Variants in UBR3 observed in about 807,000 individuals in gnomAD.
UBR3 encodes ubiquitin protein ligase E3 component n-recognin 3.
In UBR3, 85 loss-of-function variants were observed where a neutral mutation model predicts 243.2. That is an observed-to-expected ratio of 0.35 (90% confidence interval 0.29 to 0.42). The LOEUF (loss-of-function observed/expected upper bound fraction) is 0.42. Ranked by LOEUF, UBR3 falls within the 10% of genes least tolerant of loss-of-function variation. UBR3 has a pLI of 1.00. For synonymous variants in UBR3, 748 were observed against 799.8 expected, an observed-to-expected ratio of 0.94 and a Z score of 1.09; for missense variants, 1,686 against 2,300.8, an observed-to-expected ratio of 0.73 and a Z score of 5.47.
At chr2:170,079,129 G>A (rs1425406774) in intron 36 of UBR3, among the ~76,000 whole-genome samples, 1 of 152,188 alleles carries the variant, frequency 6.6e-6, no homozygotes, top group Non-Finnish European at 1.5e-5. Context: ...GAATGGAGTA[G>A]CATCTAGAAA....
chr2:170,006,065 T>G (rs1457975591), intron 27 of UBR3, among the ~76,000 whole-genome samples: 1 of 152,126 alleles, frequency 6.6e-6, no homozygotes, highest in Non-Finnish European at 1.5e-5. Context: ...TAGCATTCTT[T>G]GGAATTAAGG....
At chr2:170,069,430 CAT>C (rs1009679053) in intron 35 of UBR3, among the ~76,000 whole-genome samples, 1 of 152,038 alleles carries the variant, frequency 6.6e-6, no homozygotes, top group Non-Finnish European at 1.5e-5. Flanking sequence ...CATAATCTCA[CAT>C]AGTTATCTGT....
chr2:169,964,348 A>T, intron 24 of UBR3: 1 of 458,560 alleles, frequency 2.2e-6, no homozygotes, highest in Non-Finnish European at 4.5e-6. Context: ...AAGCTTAATT[A>T]ATACTTTAAG....
At chr2:170,024,842 G>C (rs1372296927) in intron 30 of UBR3, among the ~76,000 whole-genome samples, 1 of 152,108 alleles carries the variant, frequency 6.6e-6, no homozygotes, top group East Asian at 1.9e-4. Context: ...TAAAGAATTT[G>C]ATTAGATTTT....
At chr2:170,014,966 T>C (rs1437288480) in intron 29 of UBR3, 1 of 150,012 alleles carries the variant, frequency 6.7e-6, no homozygotes, top group Non-Finnish European at 1.3e-5. Context: ...ATGAAATATG[T>C]TGCAGTTTTT....
At chr2:170,048,750 TAAAAA>T (rs1052550764) in intron 32 of UBR3, among the ~76,000 whole-genome samples, 28 of 152,224 alleles carry the variant, frequency 1.8e-4, no homozygotes, top group African/African-American at 6.5e-4. Flanking sequence ...ATTCCTTACT[TAAAAA>T]GGAAAGGAAA....
rs755260786 is a variant in UBR3 at position 170,029,366 on chromosome 2, G to T, written c.4474G>T (p.Ala1492Ser). Residue 1492 changes from alanine to serine, a missense_variant, in exon 31 of 39, where the codon GCC (alanine) becomes TCC (serine). By Grantham distance (99) the Ala-to-Ser change is moderately conservative. Transcript: ENST00000272793. ...TTCAGATCAGCTGTTTCATGTATTA[G>T]CCTTGCACATGCGGCTTTATAGCAT... ...SCLNQLFHVL[A>S]LHMRLYSIDS... is the part of the protein sequence containing the mutation. 1 of 1,610,118 alleles carries T rather than the reference G, an allele frequency of 6.2e-7. No individual in the cohort carries two copies. The highest frequency in any genetic ancestry group is 8.5e-7 in the Non-Finnish European group (1 of 1,178,096).
chr2:170,045,177 A>AGACAAGAGAAGAGAATGATAGCC (rs1469307018), intron 32 of UBR3, among the ~76,000 whole-genome samples: 3 of 152,302 alleles, frequency 2.0e-5, no homozygotes, highest in East Asian at 3.9e-4. Flanking sequence ...ACATGGTAGC[A>AGACAAGAGAAGAGAATGATAGCC]GACAAGAGAA....
intron 18 of UBR3, among the ~76,000 whole-genome samples, chr2:169,929,762 T>C (rs1005472539): frequency 1.3e-5 from 2 of 152,216 alleles, no homozygotes; most frequent in African/African-American, 4.8e-5. Context: ...CAGTCTTTTT[T>C]TGTTTGACTT....
chr2:170,025,257 C>A (rs1160317221), intron 30 of UBR3, among the ~76,000 whole-genome samples: 2 of 152,048 alleles, frequency 1.3e-5, no homozygotes, highest in East Asian at 3.9e-4. Flanking sequence ...AAAATAATTA[C>A]AAGACTGTGT....
At chr2:169,941,422 C>A (rs890308046) in intron 19 of UBR3, among the ~76,000 whole-genome samples, 1 of 152,052 alleles carries the variant, frequency 6.6e-6, no homozygotes, top group African/African-American at 2.4e-5. Context: ...AACAATACTC[C>A]GAATGGCATC....
At chr2:169,856,394 G>A (rs1393126854) in intron 1 of UBR3, among the ~76,000 whole-genome samples, 1 of 151,106 alleles carries the variant, frequency 6.6e-6, no homozygotes, top group East Asian at 2.0e-4. Flanking sequence ...GACGATGGGC[G>A]GCTGCGCAGA....
At chr2:170,010,445 TG>T (rs1162076518) in intron 29 of UBR3, among the ~76,000 whole-genome samples, 3 of 152,210 alleles carry the variant, frequency 2.0e-5, no homozygotes, top group African/African-American at 7.2e-5. Context: ...CTTTATTGAA[TG>T]GGAATAATCT....
intron 24 of UBR3, among the ~76,000 whole-genome samples, chr2:169,978,892 T>C (rs1259903812): frequency 6.6e-6 from 1 of 152,044 alleles, no homozygotes; most frequent in Non-Finnish European, 1.5e-5. Flanking sequence ...ATGAGGGGTG[T>C]TATATCGGCC....
intron 1 of UBR3, among the ~76,000 whole-genome samples, chr2:169,851,443 C>T (rs545318806): frequency 6.6e-6 from 1 of 152,336 alleles, no homozygotes; most frequent in South Asian, 2.1e-4. Context: ...TGAGCCATCT[C>T]ACCCAGATGC....
chr2:169,898,220 C>T (rs1436411329), intron 8 of UBR3, among the ~76,000 whole-genome samples: 1 of 152,216 alleles, frequency 6.6e-6, no homozygotes, highest in Non-Finnish European at 1.5e-5. Flanking sequence ...CTTTGTTCCA[C>T]TCTTGCCTCT....
At chr2:169,904,859 T>C (rs915503449) in intron 8 of UBR3, among the ~76,000 whole-genome samples, 1 of 152,166 alleles carries the variant, frequency 6.6e-6, no homozygotes, top group Non-Finnish European at 1.5e-5. Flanking sequence ...ATAATTACTA[T>C]AATGATATAC....
chr2:169,891,304 T>C (rs2084365712), intron 6 of UBR3, 73 bp downstream of exon 6: 1 of 1,160,012 alleles, frequency 8.6e-7, no homozygotes. Flanking sequence ...TAAAAATACT[T>C]GATGGGCTAG....
At chr2:169,954,749 A>G (rs1214023950) in intron 23 of UBR3, among the ~76,000 whole-genome samples, 1 of 151,390 alleles carries the variant, frequency 6.6e-6, no homozygotes, top group Non-Finnish European at 1.5e-5. Flanking sequence ...TAATTTTTGT[A>G]TTTTTAGTAG....
Sources: allele counts gnomAD v4.1 joint callset (sites outside exome capture counted in the v4.1 genomes callset), GRCh38; gene constraint gnomAD v4.1.1; transcripts MANE v1.5; gene names NCBI Gene and HGNC (gene_info 2026-07-23, HGNC 2026-07-21).